Variants in VSIG4 observed in about 807,000 individuals in gnomAD.
The protein encoded by VSIG4 is V-set and immunoglobulin domain-containing protein 4.
VSIG4 carries 34 observed loss-of-function variants against 23.4 expected under a neutral mutation model. The observed-to-expected ratio is 1.45, with a 90% CI of 1.10 to 1.93. The LOEUF (loss-of-function observed/expected upper bound fraction) is 1.93. Among genes scored for constraint, VSIG4 ranks in the 30% most tolerant of loss-of-function variants. VSIG4 has a pLI of 0.00. For missense variants in VSIG4, 433 were observed against 310.8 expected, an observed-to-expected ratio of 1.39 and a Z score of -2.96; for synonymous variants, 169 against 120.3, an observed-to-expected ratio of 1.41 and a Z score of -2.65.
At chrX:66,025,258 G>A in intron 5 of VSIG4, 129 bp from the exon 6 acceptor site, 1 of 428,571 alleles carries the variant, frequency 2.3e-6, no homozygotes, top group Non-Finnish European at 3.9e-6. Flanking sequence ...AACCTTCTTA[G>A]CTAGCCAGAG....
intron 1 of VSIG4, among the ~76,000 whole-genome samples, chrX:66,036,139 TC>T (rs1569244442): frequency 9.0e-6 from 1 of 110,999 alleles, no homozygotes; most frequent in African/African-American, 3.3e-5. Flanking sequence ...ACTTTTTTTT[TC>T]CTCTCCCTTC....
chrX:66,025,697 T>G (rs2085382051), intron 5 of VSIG4, among the ~76,000 whole-genome samples: 1 of 112,241 alleles, frequency 8.9e-6, no homozygotes, highest in African/African-American at 3.2e-5. Context: ...GGCAGAATAA[T>G]GGTCCTCTAA....
At chrX:66,037,684 CATT>C (rs1282857753) in intron 1 of VSIG4, among the ~76,000 whole-genome samples, 2 of 82,106 alleles carry the variant, frequency 2.4e-5, no homozygotes, top group Admixed American at 1.6e-4. Context: ...TAATATATAA[CATT>C]ATATTATATT....
chrX:66,030,890 A>G (rs1024082118), intron 3 of VSIG4, among the ~76,000 whole-genome samples: 2 of 111,219 alleles, frequency 1.8e-5, no homozygotes, highest in African/African-American at 6.6e-5. Flanking sequence ...GGGCCTCCAG[A>G]GTCATTCTAG....
chrX:66,032,499 C>G lies in VSIG4; in HGVS notation c.663G>C (p.Gln221His). 8.3e-7 allele frequency: 1 copy of G among 1,211,809 alleles called. No homozygotes were observed. The highest frequency in any genetic ancestry group is 1.1e-6 in the Non-Finnish European group (1 of 895,437). The change falls in exon 3 of 8, where the codon CAG (glutamine) becomes CAC (histidine). Residue 221 changes from glutamine (Q) to histidine (H), a missense_variant. Physicochemically the swap from Gln to His is conservative, Grantham distance 24. Transcript: ENST00000374737. ...CCACAAACTTCACAATGTCGCTGTG[C>G]TGCTCAGAGCCAACCTGGCCCTTGG... The part of the protein sequence containing the change: ...CTAKGQVGSE[Q>H]HSDIVKFVVK...
At chrX:66,031,071 C>T (rs1423387837) in intron 3 of VSIG4, among the ~76,000 whole-genome samples, 4 of 110,814 alleles carry the variant, frequency 3.6e-5, no homozygotes, top group African/African-American at 1.3e-4. Context: ...GAGTGGAAGG[C>T]TGAGAATAAC....
intron 3 of VSIG4, among the ~76,000 whole-genome samples, chrX:66,030,112 G>C (rs1359378461): frequency 8.9e-6 from 1 of 111,785 alleles, no homozygotes; most frequent in Non-Finnish European, 1.9e-5. Flanking sequence ...AAGATAAGTT[G>C]GTGTCATCAA....
intron 4 of VSIG4, 84 bp from the exon 5 acceptor site, chrX:66,027,610 C>T (rs1314991008): frequency 4.0e-6 from 3 of 749,495 alleles, no homozygotes; most frequent in Non-Finnish European, 6.1e-6. Context: ...AGGTTGGAGT[C>T]CTTCCCTGGC....
chrX:66,024,903 C>A, intron 6 of VSIG4, 122 bp downstream of exon 6: 3 of 473,892 alleles, frequency 6.3e-6, no homozygotes, highest in Non-Finnish European at 1.0e-5. Context: ...AACCTTAACT[C>A]CCAAACTAGG....
chrX:66,030,961 G>C (rs1236234769), intron 3 of VSIG4, among the ~76,000 whole-genome samples: 1 of 110,984 alleles, frequency 9.0e-6, no homozygotes, highest in African/African-American at 3.3e-5. Flanking sequence ...CCGTAGGGCA[G>C]AGGTGAAATA....
rs923052063 is a variant in VSIG4, at chrX:66,022,692, G to A, written c.962+149C>T. On this transcript the variant is annotated intron_variant, in intron 7 of 7. Transcript: ENST00000374737. The stretch of plus-strand genomic sequence containing the variant: ...CAAAACAACCTCAGAAGGTGCCTGA[G>A]AGAGGGAAGGCAGCTATGTCCTGAC... 1.7e-5 allele frequency: 19 copies of A among 1,141,458 alleles called. No individual in the cohort carries two copies. The Admixed American group carries it at 5.5e-4, about 33-fold the overall frequency. 94.1% of individuals were successfully genotyped at this position (1,141,458 alleles called of 1,213,427 possible). A position where few individuals can be genotyped will look rare whatever the true frequency, so the allele number is the denominator to read the frequency against.
chrX:66,034,639 T>A (rs1449979240), intron 1 of VSIG4, among the ~76,000 whole-genome samples: 2 of 110,419 alleles, frequency 1.8e-5, no homozygotes, highest in Middle Eastern at 4.2e-3. Context: ...GGGAAAAGAT[T>A]GCATCCATTT....
chrX:66,026,478 A>AT (rs2085392467), intron 5 of VSIG4, among the ~76,000 whole-genome samples: 1 of 111,973 alleles, frequency 8.9e-6, no homozygotes, highest in South Asian at 3.8e-4. Flanking sequence ...CTATGAGGCA[A>AT]TTTCTAACTT....
chrX:66,035,908 G>A (rs1037321302), intron 1 of VSIG4, among the ~76,000 whole-genome samples: 8 of 112,104 alleles, frequency 7.1e-5, no homozygotes, highest in Non-Finnish European at 1.5e-4. Flanking sequence ...TCTGACCTTA[G>A]GGGAGCTGAA....
chrX:66,029,189 G>A (rs1223990017), intron 3 of VSIG4, among the ~76,000 whole-genome samples: 1 of 111,757 alleles, frequency 8.9e-6, no homozygotes. Flanking sequence ...GCTGAAAACA[G>A]ACTAAAAGGG....
intron 1 of VSIG4, among the ~76,000 whole-genome samples, chrX:66,036,413 A>G (rs1483658496): frequency 9.6e-6 from 1 of 104,646 alleles, no homozygotes; most frequent in Non-Finnish European, 1.9e-5. Flanking sequence ...ATCAAGTAGG[A>G]GCCCCTAATG....
chrX:66,027,831 C>G (rs962163830), intron 4 of VSIG4, among the ~76,000 whole-genome samples: 2 of 112,189 alleles, frequency 1.8e-5, no homozygotes, highest in Admixed American at 9.4e-5. Flanking sequence ...GGGAGTAATT[C>G]TAACCCTCTC....
chrX:66,027,002 C>A (rs1216223431), intron 5 of VSIG4, among the ~76,000 whole-genome samples: 1 of 111,415 alleles, frequency 9.0e-6, no homozygotes, highest in Non-Finnish European at 1.9e-5. Context: ...GGATTTGAAT[C>A]TCTGAGACCC....
In VSIG4 at chrX:66,025,217, C is replaced by A. The variant is rs997328613; in HGVS notation, c.836-88G>T. The A allele has an allele frequency of 1.8e-5, 11 of 621,005 alleles. No homozygotes were observed. The Admixed American group carries it at 4.1e-4, about 23-fold the overall frequency. 51.2% of individuals were successfully genotyped at this position (621,005 alleles called of 1,213,427 possible). A position where few individuals can be genotyped will look rare whatever the true frequency, so the allele number is the denominator to read the frequency against. On this transcript the variant is annotated intron_variant, in intron 5 of 7. Coordinates refer to ENST00000374737, the MANE Select transcript of VSIG4 (RefSeq NM_007268.3). ...AAGAAACAGCCTAGACTAAGCCAGG[C>A]CTTTTTCTTTTTCATTTTCCATATT...
Sources: gnomAD v4.1 joint callset for allele counts (sites outside exome capture counted in the v4.1 genomes callset) on GRCh38, gnomAD v4.1.1 for gene constraint, MANE v1.5 for transcripts, NCBI Gene and HGNC (gene_info 2026-07-23, HGNC 2026-07-21) for gene names.